CD5: variants seen among roughly 807,000 people sequenced by gnomAD.
The protein encoded by CD5 is T-cell surface glycoprotein CD5.
Under a neutral mutation model 60.3 loss-of-function variants are expected in CD5, and 36 were observed. That is an observed-to-expected ratio of 0.60 (90% CI 0.46 to 0.79). The LOEUF (loss-of-function observed/expected upper bound fraction) is 0.79, where lower values mean the gene tolerates loss of function less well. CD5 is among the 30% of genes least tolerant of loss of function. The pLI, the probability that CD5 is intolerant of heterozygous loss-of-function variation, is 0.00. For synonymous variants in CD5, 230 were observed against 257.6 expected (o/e 0.89, Z 1.03); for missense variants, 540 against 630.6 (o/e 0.86, Z 1.54).
At chr11:61,124,925 C>T (rs1407022453) in intron 8 of CD5, 107 bp from the exon 9 acceptor site, 1 of 1,394,092 alleles carries the variant, frequency 7.2e-7, no homozygotes, top group East Asian at 2.4e-5. Context: ...TTTGTCCTCT[C>T]CCCGCTAACA....
At position 61,127,819 on chromosome 11, in the gene CD5, C is replaced by A. The variant is rs1474017241; in HGVS notation, c.*1534C>A. On this transcript the variant is annotated 3_prime_UTR_variant, in exon 11 of 11. Coordinates refer to ENST00000347785, the MANE Select transcript of CD5 (RefSeq NM_014207.4). ...AAGCAACCATGGCCTACTTAAAAACCAAACCAAAAATAAAGAGTTTAGTTG... is the reference window on the plus strand; with the variant it reads ...AAGCAACCATGGCCTACTTAAAAACAAAACCAAAAATAAAGAGTTTAGTTG... The A allele has an allele frequency of 6.6e-6, 1 of 152,174 alleles. No homozygotes were observed. The highest frequency in any genetic ancestry group is 2.4e-5 in the African/African-American group (1 of 41,434). The allele number at this position is 152,174 out of a possible 1,614,324, so 9.4% of individuals were successfully genotyped here. A position where few individuals can be genotyped will look rare whatever the true frequency, so the allele number is the denominator to read the frequency against.
Position 61,106,976 on chromosome 11 carries a change from G to T in CD5, c.55+4361G>T, listed in dbSNP as rs111966534. Among the ~76,000 whole-genome samples the T allele has an allele frequency of 6.6e-3, 1,007 of 152,240 alleles. 3 individuals carry two copies. Among genetic ancestry groups the T allele is most frequent in the Non-Finnish European group, 0.011 (755 of 68,020 alleles). On this transcript the variant is annotated intron_variant, in intron 1 of 10. Transcript: ENST00000347785. ...CTGAGGACACAGCAGTGAACAAAAC[G>T]GTGGAAAATCCCTGCCCTGGTGGAT...
chr11:61,122,851 C>G (rs1733055061), intron 6 of CD5, 56 bp from the exon 7 acceptor site: 1 of 1,534,562 alleles, frequency 6.5e-7, no homozygotes, highest in Non-Finnish European at 8.8e-7. Flanking sequence ...AGCTTCCCTC[C>G]CACAGTTTTT....
chr11:61,122,373 T>TG (rs1449597719), intron 6 of CD5, among the ~76,000 whole-genome samples: 1 of 116,662 alleles, frequency 8.6e-6, no homozygotes, highest in African/African-American at 3.6e-5. Context: ...GGTGGATGGA[T>TG]GATGGATGGA....
chr11:61,102,323 G>A, upstream of CD5: 2 of 569,070 alleles, frequency 3.5e-6, no homozygotes, highest in Non-Finnish European at 3.1e-6. Flanking sequence ...ACCTTGGGCA[G>A]GAAGCTGGCA....
chr11:61,121,532 G>A, intron 5 of CD5, 79 bp from the exon 6 acceptor site: 1 of 1,288,492 alleles, frequency 7.8e-7, no homozygotes, highest in Non-Finnish European at 1.0e-6. Flanking sequence ...CGATTTGCCA[G>A]TGGCATGGGG....
upstream of CD5, among the ~76,000 whole-genome samples, chr11:61,102,233 C>A (rs1299211553): frequency 7.2e-5 from 11 of 152,236 alleles, no homozygotes; most frequent in African/African-American, 2.7e-4. Context: ...AGGGTCCCCA[C>A]CCCCTGCAGC....
chr11:61,124,299 G>T (rs1006134088), intron 8 of CD5, among the ~76,000 whole-genome samples: 1 of 152,148 alleles, frequency 6.6e-6, no homozygotes, highest in Non-Finnish European at 1.5e-5. Flanking sequence ...CTCACAAGAG[G>T]CCTCCCTGAT....
Position 61,115,062 on chromosome 11 carries a change from C to G in CD5, c.62C>G (p.Ser21Cys), listed in dbSNP as rs1349110716. 1 of 1,557,642 alleles carries G rather than the reference C, an allele frequency of 6.4e-7. No homozygotes were observed. Among genetic ancestry groups the G allele is most frequent in the African/African-American group, 1.4e-5 (1 of 73,374 alleles). Residue 21 changes from serine (S) to cysteine (C), a missense_variant, in exon 2 of 11, where the codon TCC (serine) becomes TGC (cysteine). By Grantham distance (112) the Ser-to-Cys change is moderately radical (BLOSUM62 -1). Coordinates refer to ENST00000347785, the MANE Select transcript of CD5 (RefSeq NM_014207.4). ...TCCTCTCTTCTTTCTGCAGTCGCTT[C>G]CTGCCTCGGACGGCTCAGCTGGTAT... Reference protein sequence around the residue: ...TLYLLGMLVASCLGRLSWYDP... With the variant: ...TLYLLGMLVACCLGRLSWYDP...
chr11:61,121,029 G>C (rs11230601), intron 5 of CD5, among the ~76,000 whole-genome samples: 8,122 of 152,296 alleles, frequency 0.053, 738 homozygotes, highest in African/African-American at 0.19. Context: ...GCCCCACCCT[G>C]GCAGGCAGAA....
chr11:61,122,808 A>C, intron 6 of CD5, 99 bp from the exon 7 acceptor site: 1 of 1,308,022 alleles, frequency 7.6e-7, no homozygotes, highest in Non-Finnish European at 1.1e-6. Flanking sequence ...TTCTCAGATG[A>C]GCAAGGATGA....
the CD5 span, among the ~76,000 whole-genome samples, chr11:61,096,495 G>A: frequency 4.8e-4 from 73 of 152,318 alleles, no homozygotes; most frequent in Admixed American, 2.4e-3. Context: ...CAGAGCAACA[G>A]GAGTTTCCAC....
chr11:61,094,040 G>A, the CD5 span, among the ~76,000 whole-genome samples: 1 of 152,176 alleles, frequency 6.6e-6, no homozygotes, highest in South Asian at 2.1e-4. Context: ...TCTGTGGCTT[G>A]TCCTGCTACA....
intron 1 of CD5, among the ~76,000 whole-genome samples, chr11:61,106,497 C>A (rs559645390): frequency 6.6e-6 from 1 of 152,176 alleles, no homozygotes; most frequent in Non-Finnish European, 1.5e-5. Context: ...CTCGAAGACC[C>A]AGAGCTCCCC....
chr11:61,127,285 G>A lies in CD5; in HGVS notation c.*1000G>A, dbSNP rs1484975668. 6.6e-6 allele frequency: 1 copy of A among 152,268 alleles called. No individual in the cohort carries two copies. Among genetic ancestry groups the A allele is most frequent in the Non-Finnish European group, 1.5e-5 (1 of 68,072 alleles). 9.4% of individuals were successfully genotyped at this position (152,268 alleles called of 1,614,324 possible). On this transcript the variant is annotated 3_prime_UTR_variant, in exon 11 of 11. Coordinates refer to ENST00000347785, the MANE Select transcript of CD5 (RefSeq NM_014207.4). ...CAAGTGAGAAGAGGAGGTCTACCCA[G>A]GAGCCTCGGGTCTGATCAAGGGAGA...
At chr11:61,097,304 T>C in the CD5 span, among the ~76,000 whole-genome samples, 1 of 152,166 alleles carries the variant, frequency 6.6e-6, no homozygotes, top group East Asian at 1.9e-4. Flanking sequence ...AGAATCACCC[T>C]GATAATTTCT....
At chr11:61,096,485 CAG>C in the CD5 span, among the ~76,000 whole-genome samples, 2 of 152,190 alleles carry the variant, frequency 1.3e-5, no homozygotes, top group Admixed American at 6.5e-5. Context: ...TTGATATAAT[CAG>C]AGCAACAGGA....
intron 5 of CD5, among the ~76,000 whole-genome samples, chr11:61,121,379 T>C (rs1443399112): frequency 6.6e-6 from 1 of 152,262 alleles, no homozygotes; most frequent in Non-Finnish European, 1.5e-5. Flanking sequence ...TGTCTCAGGA[T>C]GGTGCTGGCA....
intron 1 of CD5, among the ~76,000 whole-genome samples, chr11:61,108,457 G>T (rs563767351): frequency 2.6e-5 from 4 of 152,084 alleles, no homozygotes; most frequent in Non-Finnish European, 5.9e-5. Context: ...CATAAAAGCC[G>T]CCTAATCATA....
Sources: gnomAD v4.1 joint callset for allele counts (sites outside exome capture counted in the v4.1 genomes callset) on GRCh38, gnomAD v4.1.1 for gene constraint, MANE v1.5 for transcripts, NCBI Gene and HGNC (gene_info 2026-07-23, HGNC 2026-07-21) for gene names.